POLR2F: variants seen among roughly 807,000 people sequenced by gnomAD.
The protein encoded by POLR2F is DNA-directed RNA polymerases I, II, and III subunit RPABC2.
A neutral mutation model predicts 22.7 loss-of-function variants in POLR2F; 12 were observed. That is an observed-to-expected ratio of 0.53 (90% CI 0.34 to 0.86). POLR2F has a LOEUF of 0.86. Among genes scored for constraint, POLR2F ranks in the 40% least tolerant of loss-of-function variants. POLR2F has a pLI of 0.02. For missense variants in POLR2F, 126 were observed against 171.5 expected, an observed-to-expected ratio of 0.73 and a Z score of 1.48; for synonymous variants, 57 against 66.0, an observed-to-expected ratio of 0.86 and a Z score of 0.66.
At chr22:37,999,382 C>T (rs887252194) in intron 1 of POLR2F, among the ~76,000 whole-genome samples, 9 of 152,176 alleles carry the variant, frequency 5.9e-5, no homozygotes, top group East Asian at 1.9e-4. Context: ...CAGCCTTCCT[C>T]GTCAGCTCAG....
At chr22:37,972,093 G>GGA, downstream of POLR2F, 2 of 328,180 alleles carry the variant, frequency 6.1e-6, no homozygotes, top group Admixed American at 4.1e-5. Flanking sequence ...GGGGGAGGGG[G>GGA]GAGAGAGAGA....
At position 38,016,779 on chromosome 22, in the gene POLR2F, C is replaced by A. The variant is rs1350104474; in HGVS notation, c.121-9090C>A. Reference sequence around the variant, plus strand: ...CCGCCGTCAATGCCCGCATTGTCCCCGCGCTTTTTGTTTCTACTGTAATGA... The same window carrying A: ...CCGCCGTCAATGCCCGCATTGTCCCAGCGCTTTTTGTTTCTACTGTAATGA... On this transcript the variant is annotated intron_variant, in intron 1 of 2. Transcript: ENST00000333418. This position sits in a 1 kb window ranked among gnomAD's most constrained non-coding sequence, Gnocchi z 4.4. 6.6e-6 allele frequency among the ~76,000 whole-genome samples: 1 copy of A among 151,976 alleles called. No homozygotes were observed. The highest frequency in any genetic ancestry group is 2.4e-5 in the African/African-American group (1 of 41,466).
intron 1 of POLR2F, among the ~76,000 whole-genome samples, chr22:38,014,356 T>TA (rs574636939): frequency 7.2e-4 from 106 of 147,076 alleles, no homozygotes; most frequent in African/African-American, 2.1e-3. Flanking sequence ...TTTTTTTTAT[T>TA]TTTTTTTTTT....
chr22:38,017,006 C>T lies in POLR2F; in HGVS notation c.121-8863C>T, dbSNP rs928845922. On this transcript the variant is annotated intron_variant, in intron 1 of 2. Transcript: ENST00000333418. This position sits in a 1 kb window ranked among gnomAD's most constrained non-coding sequence, Gnocchi z 4.1. ...GGGGGCAGCGCAAGGGGCCAGCCAG[C>T]CCCCCACCCCAGCCTCTGCTGCCTG... 1.3e-5 allele frequency among the ~76,000 whole-genome samples: 2 copies of T among 152,028 alleles called. No homozygotes were observed. The highest frequency in any genetic ancestry group is 2.9e-5 in the Non-Finnish European group (2 of 67,972).
chr22:38,030,815 G>A (rs1304167347), downstream of POLR2F, among the ~76,000 whole-genome samples: 1 of 152,148 alleles, frequency 6.6e-6, no homozygotes, highest in Non-Finnish European at 1.5e-5. Flanking sequence ...GGAAGGCCTG[G>A]GGAGCGTGGT....
At chr22:38,028,541 C>T (rs542865902), downstream of POLR2F, among the ~76,000 whole-genome samples, 9 of 151,530 alleles carry the variant, frequency 5.9e-5, no homozygotes, top group South Asian at 4.2e-4. Flanking sequence ...TGTGCGCATA[C>T]GTGTGTGCAT....
chr22:37,983,861 A>C (rs1932488601), upstream of POLR2F: 3 of 1,246,840 alleles, frequency 2.4e-6, no homozygotes, highest in Non-Finnish European at 3.1e-6. This position sits in a 1 kb window ranked among gnomAD's most constrained non-coding sequence, Gnocchi z 9.5. Flanking sequence ...AAAGAGTCCA[A>C]CGCCCACCTG....
chr22:38,018,844 G>A (rs1403321992), intron 1 of POLR2F, among the ~76,000 whole-genome samples: 4 of 152,084 alleles, frequency 2.6e-5, no homozygotes, highest in Admixed American at 1.3e-4. Flanking sequence ...AGGCCAGTGT[G>A]TGGTGCGGGA....
In POLR2F at chr22:37,959,401, A is replaced by G. The variant is rs767132181; in HGVS notation, c.146A>G (p.Gln49Arg). The part of the protein sequence containing the change: ...LPSGERPQAN[Q>R]KRITTPYMTK... ...TCTGGGGAGCGACCGCAGGCCAACCAGAAGCGAATCACCACACCATACATG... is the reference window on the plus strand; with the variant it reads ...TCTGGGGAGCGACCGCAGGCCAACCGGAAGCGAATCACCACACCATACATG... The change falls in exon 3 of 5, where the codon CAG becomes CGG. Residue 49 changes from glutamine (Q) to arginine (R), a missense_variant. Coordinates refer to ENST00000442738, the MANE Select transcript of POLR2F (RefSeq NM_021974.5). 18 of 1,614,194 alleles carry G rather than the reference A, an allele frequency of 1.1e-5. No homozygotes were observed. The highest frequency in any genetic ancestry group is 1.4e-5 in the Non-Finnish European group (17 of 1,180,004).
At chr22:37,994,852 A>G (rs2084697791) in intron 1 of POLR2F, among the ~76,000 whole-genome samples, 1 of 152,074 alleles carries the variant, frequency 6.6e-6, no homozygotes, top group African/African-American at 2.4e-5. Flanking sequence ...ATGTTACCCA[A>G]GCTGGTCTCA....
At chr22:38,010,898 T>C (rs891723372) in intron 1 of POLR2F, among the ~76,000 whole-genome samples, 6 of 152,244 alleles carry the variant, frequency 3.9e-5, no homozygotes, top group East Asian at 3.9e-4. Flanking sequence ...ATAACAGGCG[T>C]GAGCCACTGC....
upstream of POLR2F, chr22:37,983,665 C>T (rs2145777558): frequency 1.3e-6 from 2 of 1,582,698 alleles, no homozygotes; most frequent in Non-Finnish European, 8.5e-7. The surrounding 1 kb of genome is among the most constrained non-coding windows in gnomAD (Gnocchi z 9.5). Flanking sequence ...CTCGCAGGCC[C>T]GATCCGCCGC....
At chr22:37,971,562 G>A (rs904122787), downstream of POLR2F, among the ~76,000 whole-genome samples, 2 of 152,242 alleles carry the variant, frequency 1.3e-5, no homozygotes, top group Non-Finnish European at 2.9e-5. Context: ...GGGAGTAGGC[G>A]CTTAAGGAGT....
At chr22:38,011,570 T>C (rs905788195) in intron 1 of POLR2F, among the ~76,000 whole-genome samples, 2 of 152,158 alleles carry the variant, frequency 1.3e-5, no homozygotes, top group African/African-American at 4.8e-5. Context: ...GAAAATCAAT[T>C]GACCACATGT....
intron 1 of POLR2F, among the ~76,000 whole-genome samples, chr22:38,015,523 A>G (rs1248631966): frequency 6.6e-6 from 1 of 152,214 alleles, no homozygotes; most frequent in African/African-American, 2.4e-5. Context: ...TCTCTCCCTC[A>G]ATCCCAGATT....
intron 4 of POLR2F, chr22:37,977,883 G>A: frequency 1.9e-6 from 3 of 1,611,762 alleles, no homozygotes; most frequent in Non-Finnish European, 2.5e-6. Flanking sequence ...GGTGCTCGGG[G>A]TTCCCATCTG....
chr22:38,007,273 A>G (rs774749009), intron 1 of POLR2F, among the ~76,000 whole-genome samples: 43 of 152,204 alleles, frequency 2.8e-4, no homozygotes, highest in Admixed American at 6.5e-5. Context: ...AGGACTGCCC[A>G]GGGTGGTGGG....
chr22:38,034,203 G>A, intron 5 of POLR2F: 1 of 169,330 alleles, frequency 5.9e-6, no homozygotes, highest in Non-Finnish European at 1.4e-5. Flanking sequence ...GCCTGTCCAC[G>A]CTGCTCCTCA....
chr22:38,027,152 G>A (rs898079111), downstream of POLR2F, among the ~76,000 whole-genome samples: 9 of 152,156 alleles, frequency 5.9e-5, no homozygotes, highest in Non-Finnish European at 1.0e-4. Flanking sequence ...CAGGTGACTC[G>A]TTAGCGTATG....
Sources: gnomAD v4.1 joint callset for allele counts (sites outside exome capture counted in the v4.1 genomes callset) on GRCh38, gnomAD v4.1.1 for gene constraint, Gnocchi (gnomAD v3.1) non-coding constraint, MANE v1.5 for transcripts, NCBI Gene and HGNC (gene_info 2026-07-23, HGNC 2026-07-21) for gene names.